Variants in DENND1B observed in about 807,000 individuals in gnomAD.
The protein encoded by DENND1B is DENN domain-containing protein 1B.
A neutral mutation model predicts 90.1 loss-of-function variants in DENND1B; 59 were observed. That is an observed-to-expected ratio of 0.65 (90% confidence interval 0.53 to 0.81). DENND1B has a LOEUF of 0.81. Among genes scored for constraint, DENND1B ranks in the 40% least tolerant of loss-of-function variants. DENND1B has a pLI of 0.00. For missense variants in DENND1B, 862 were observed against 912.6 expected (o/e 0.94, Z 0.71); for synonymous variants, 337 against 324.6 (o/e 1.04, Z -0.41).
chr1:197,645,016 A>G (rs1016566959), intron 9 of DENND1B, among the ~76,000 whole-genome samples: 1 of 152,014 alleles, frequency 6.6e-6, no homozygotes, highest in African/African-American at 2.4e-5. Context: ...TCATAAAAGC[A>G]TATTTGTTAC....
intron 10 of DENND1B, among the ~76,000 whole-genome samples, chr1:197,630,771 A>G (rs1679253579): frequency 6.6e-6 from 1 of 152,098 alleles, no homozygotes. Context: ...AGTTAAGTCA[A>G]TTGCCCAAGA....
chr1:197,594,477 G>T (rs1327585740), intron 14 of DENND1B, among the ~76,000 whole-genome samples: 1 of 152,138 alleles, frequency 6.6e-6, no homozygotes, highest in Non-Finnish European at 1.5e-5. Context: ...TAGATAGCAG[G>T]TCTTCTTATT....
intron 15 of DENND1B, among the ~76,000 whole-genome samples, chr1:197,571,182 C>A (rs1673119424): frequency 6.6e-6 from 1 of 152,066 alleles, no homozygotes; most frequent in Admixed American, 6.6e-5. Context: ...ACCTCTCTCT[C>A]CTCTAACATA....
chr1:197,560,749 A>G (rs1672095657), intron 15 of DENND1B, among the ~76,000 whole-genome samples: 1 of 151,876 alleles, frequency 6.6e-6, no homozygotes, highest in Admixed American at 6.6e-5. Flanking sequence ...TTGAATACCA[A>G]GCAATTCTAT....
intron 12 of DENND1B, among the ~76,000 whole-genome samples, chr1:197,609,619 G>A (rs958977572): frequency 1.3e-5 from 2 of 150,206 alleles, no homozygotes; most frequent in East Asian, 2.0e-4. Context: ...GATGTTAAGG[G>A]ATATGAATTT....
At chr1:197,514,348 A>G (rs1280206988) in intron 20 of DENND1B, among the ~76,000 whole-genome samples, 1 of 151,578 alleles carries the variant, frequency 6.6e-6, no homozygotes, top group Non-Finnish European at 1.5e-5. Context: ...TGTCCTAACA[A>G]TCTCTAAAGG....
rs908209141 is a variant in DENND1B at position 197,583,324 on chromosome 1, G to A, written c.1048-71C>T. On this transcript the variant is annotated intron_variant, in intron 14 of 22. Coordinates refer to ENST00000620048, the MANE Select transcript of DENND1B (RefSeq NM_001195215.2). ...AGAGAGAACTAGTCTCTTTAAATAG[G>A]TATGTGAAGAGTGATAGAGGAAGCG... 5 of 1,399,500 alleles carry A rather than the reference G, an allele frequency of 3.6e-6. No homozygotes were observed. In the African/African-American group the frequency reaches 4.3e-5, roughly 12 times the overall value. 86.7% of individuals were successfully genotyped at this position (1,399,500 alleles called of 1,614,324 possible). A position where few individuals can be genotyped will look rare whatever the true frequency, so the allele number is the denominator to read the frequency against.
chr1:197,697,547 C>G (rs1658563434), intron 3 of DENND1B, among the ~76,000 whole-genome samples: 1 of 151,602 alleles, frequency 6.6e-6, no homozygotes, highest in Non-Finnish European at 1.5e-5. Context: ...TTAAAGATCA[C>G]CTTCTATGTA....
At chr1:197,586,091 A>T (rs565302725) in intron 14 of DENND1B, among the ~76,000 whole-genome samples, 1 of 152,330 alleles carries the variant, frequency 6.6e-6, no homozygotes. Flanking sequence ...CTGTAACAAC[A>T]AAAGTATTTT....
At chr1:197,703,114 A>G (rs1472417933) in intron 3 of DENND1B, among the ~76,000 whole-genome samples, 1 of 151,920 alleles carries the variant, frequency 6.6e-6, no homozygotes, top group African/African-American at 2.4e-5. Context: ...CAGTCTCCCA[A>G]GTAGCTGGGA....
chr1:197,674,149 T>G lies in DENND1B; in HGVS notation c.147A>C (p.Pro49=). The change falls in exon 4 of 23, where the codon CCA becomes CCC. Residue 49 remains proline (P), a synonymous_variant. Transcript: ENST00000620048. ...CAACGTCAAAGGGAAAACAGAACTT[T>G]GGCACACTCTGTAGTATTTCCTACA... ...FGDQEILQSV[P]KFCFPFDVER... 1 of 1,603,406 alleles carries G rather than the reference T, an allele frequency of 6.2e-7. No individual in the cohort carries two copies. The highest frequency in any genetic ancestry group is 8.5e-7 in the Non-Finnish European group (1 of 1,173,660).
At chr1:197,652,979 C>T (rs533256595) in intron 6 of DENND1B, among the ~76,000 whole-genome samples, 4 of 151,940 alleles carry the variant, frequency 2.6e-5, no homozygotes, top group South Asian at 2.1e-4. Flanking sequence ...CATAATTATC[C>T]TTATTCTCTA....
chr1:197,722,482 G>C (rs1042460030), intron 2 of DENND1B, among the ~76,000 whole-genome samples: 2 of 152,010 alleles, frequency 1.3e-5, no homozygotes, highest in Non-Finnish European at 2.9e-5. Flanking sequence ...ACATCCACAA[G>C]TCTAAAAGTT....
intron 2 of DENND1B, among the ~76,000 whole-genome samples, chr1:197,760,975 G>T (rs1654967847): frequency 6.6e-6 from 1 of 152,064 alleles, no homozygotes; most frequent in Non-Finnish European, 1.5e-5. Context: ...TAGTATTTTT[G>T]TACGTAACAG....
At chr1:197,713,793 T>TATTATTTATAATA (rs1376908590) in intron 3 of DENND1B, among the ~76,000 whole-genome samples, 59 of 20,218 alleles carry the variant, frequency 2.9e-3, no homozygotes, top group East Asian at 7.0e-3. Context: ...TATTATAATA[T>TATTATTTATAATA]TATTATATTA....
At chr1:197,542,911 A>C (rs1670440435) in intron 18 of DENND1B, among the ~76,000 whole-genome samples, 1 of 138,186 alleles carries the variant, frequency 7.2e-6, no homozygotes, top group Non-Finnish European at 1.6e-5. Flanking sequence ...CCAGAGTAGA[A>C]ACCTTTTTTA....
At chr1:197,526,368 G>A (rs140253780) in intron 20 of DENND1B, among the ~76,000 whole-genome samples, 3 of 152,112 alleles carry the variant, frequency 2.0e-5, no homozygotes, top group South Asian at 2.1e-4. Context: ...TTTACAAAAG[G>A]TAGGCACTTT....
rs1022422204 is a variant in DENND1B at position 197,506,240 on chromosome 1, T to G, written c.*4220A>C. On this transcript the variant is annotated 3_prime_UTR_variant, in exon 23 of 23. Coordinates refer to ENST00000620048, the MANE Select transcript of DENND1B (RefSeq NM_001195215.2). ...AAAATAAAATATTCTTCTGTCTAAATGTATATAATTCCTTATTTCTTCATC... is the reference window on the plus strand; with the variant it reads ...AAAATAAAATATTCTTCTGTCTAAAGGTATATAATTCCTTATTTCTTCATC... 1 of 151,576 alleles carries G rather than the reference T, an allele frequency of 6.6e-6. No homozygotes were observed. The highest frequency in any genetic ancestry group is 2.1e-4 in the South Asian group (1 of 4,832). 9.4% of individuals were successfully genotyped at this position (151,576 alleles called of 1,614,324 possible). A position where few individuals can be genotyped will look rare whatever the true frequency, so the allele number is the denominator to read the frequency against.
intron 15 of DENND1B, among the ~76,000 whole-genome samples, chr1:197,554,449 T>G (rs1671527205): frequency 6.6e-6 from 1 of 152,016 alleles, no homozygotes; most frequent in Non-Finnish European, 1.5e-5. Context: ...AAAGAGAAAC[T>G]CAGATACTTC....
Sources: allele counts gnomAD v4.1 joint callset (sites outside exome capture counted in the v4.1 genomes callset), GRCh38; gene constraint gnomAD v4.1.1; transcripts MANE v1.5; gene names NCBI Gene and HGNC (gene_info 2026-07-23, HGNC 2026-07-21).